PRR16: variants seen among roughly 807,000 people sequenced by gnomAD.
PRR16 encodes the protein protein Largen.
In PRR16, 6 loss-of-function variants were observed where a neutral mutation model predicts 18.2. The observed-to-expected ratio is 0.33, with a 90% CI of 0.18 to 0.65. PRR16 has a LOEUF of 0.65. PRR16 is among the 30% of genes least tolerant of loss of function. The probability of loss-of-function intolerance (pLI) is 0.74; values close to 1 mark genes in which losing one functional copy is unlikely to be tolerated. For synonymous variants in PRR16, 151 were observed against 147.8 expected, an observed-to-expected ratio of 1.02 and a Z score of -0.16; for missense variants, 412 against 376.6, an observed-to-expected ratio of 1.09 and a Z score of -0.78.
At chr5:120,530,313 A>G (rs1156589768) in intron 1 of PRR16, among the ~76,000 whole-genome samples, 1 of 136,644 alleles carries the variant, frequency 7.3e-6, no homozygotes, top group Non-Finnish European at 1.5e-5. Context: ...ATTTATTTAT[A>G]TTTTACTACA....
At chr5:120,732,227 T>C in the PRR16 span, among the ~76,000 whole-genome samples, 2 of 152,160 alleles carry the variant, frequency 1.3e-5, no homozygotes, top group East Asian at 1.9e-4. Context: ...TTATCAGTTG[T>C]CTGAAAGAGG....
At chr5:120,603,013 G>A (rs897769172) in intron 1 of PRR16, among the ~76,000 whole-genome samples, 5 of 151,942 alleles carry the variant, frequency 3.3e-5, no homozygotes, top group Admixed American at 1.3e-4. Flanking sequence ...AGGAATATTG[G>A]CCTGCAGTTT....
At chr5:120,518,963 C>G (rs1019027990) in intron 1 of PRR16, among the ~76,000 whole-genome samples, 1 of 152,076 alleles carries the variant, frequency 6.6e-6, no homozygotes, top group African/African-American at 2.4e-5. Context: ...GTTTAAGATA[C>G]TGTAGTTATT....
At chr5:120,500,206 C>T (rs778513264) in intron 1 of PRR16, among the ~76,000 whole-genome samples, 1 of 152,162 alleles carries the variant, frequency 6.6e-6, no homozygotes, top group Non-Finnish European at 1.5e-5. Flanking sequence ...TCTTGCTAGA[C>T]TGTTTCTTTT....
chr5:120,649,909 G>C (rs1282778703), intron 1 of PRR16, among the ~76,000 whole-genome samples: 1 of 151,778 alleles, frequency 6.6e-6, no homozygotes, highest in Non-Finnish European at 1.5e-5. Context: ...TTCTGTATTT[G>C]TGATATTAAC....
chr5:120,615,516 A>G (rs1215875573), intron 1 of PRR16, among the ~76,000 whole-genome samples: 1 of 151,090 alleles, frequency 6.6e-6, no homozygotes, highest in Non-Finnish European at 1.5e-5. Flanking sequence ...CTGCTTCAGC[A>G]TTATAATTTT....
At chr5:120,702,906 A>G in the PRR16 span, among the ~76,000 whole-genome samples, 1 of 152,162 alleles carries the variant, frequency 6.6e-6, no homozygotes, top group Non-Finnish European at 1.5e-5. Context: ...GAACAGGAGG[A>G]CAGGGGATTG....
chr5:120,509,890 C>T (rs914552998), intron 1 of PRR16, among the ~76,000 whole-genome samples: 3 of 151,990 alleles, frequency 2.0e-5, no homozygotes, highest in Non-Finnish European at 4.4e-5. Context: ...TGAAGGTCTT[C>T]AAGTTTTTTT....
the PRR16 span, among the ~76,000 whole-genome samples, chr5:120,733,920 A>C: frequency 1.3e-5 from 2 of 152,234 alleles, no homozygotes; most frequent in Non-Finnish European, 2.9e-5. Flanking sequence ...AAACATACTT[A>C]AAAGTTACAT....
intron 1 of PRR16, among the ~76,000 whole-genome samples, chr5:120,497,383 G>GTTTTT (rs772458976): frequency 2.3e-4 from 25 of 106,932 alleles, no homozygotes; most frequent in Non-Finnish European, 3.0e-4. Flanking sequence ...TTGATGAACT[G>GTTTTT]ATTTTTTTTT....
chr5:120,517,270 C>A (rs569340137), intron 1 of PRR16, among the ~76,000 whole-genome samples: 1 of 152,240 alleles, frequency 6.6e-6, no homozygotes, highest in East Asian at 1.9e-4. Context: ...ACAATCAATG[C>A]ATGAATTCAA....
At chr5:120,675,112 C>CA (rs1362615845) in intron 1 of PRR16, among the ~76,000 whole-genome samples, 2 of 151,994 alleles carry the variant, frequency 1.3e-5, no homozygotes, top group East Asian at 3.9e-4. Flanking sequence ...TTGCTTATTT[C>CA]AAAAATCTCA....
At chr5:120,780,183 A>C in the PRR16 span, among the ~76,000 whole-genome samples, 1 of 152,162 alleles carries the variant, frequency 6.6e-6, no homozygotes, top group Non-Finnish European at 1.5e-5. Context: ...CAGACTCCAA[A>C]AACATCACAT....
At chr5:120,643,315 C>T (rs77992427) in intron 1 of PRR16, among the ~76,000 whole-genome samples, 114 of 152,112 alleles carry the variant, frequency 7.5e-4, no homozygotes, top group African/African-American at 2.5e-3. Flanking sequence ...AAATAGCATG[C>T]CCAATCTCTA....
At chr5:120,495,917 A>C (rs1750228692) in intron 1 of PRR16, among the ~76,000 whole-genome samples, 2 of 152,000 alleles carry the variant, frequency 1.3e-5, no homozygotes, top group Non-Finnish European at 2.9e-5. Context: ...CACTGTTTAA[A>C]TTAAATTAAA....
intron 1 of PRR16, among the ~76,000 whole-genome samples, chr5:120,644,069 G>T (rs1201396820): frequency 6.6e-6 from 1 of 151,996 alleles, no homozygotes; most frequent in Non-Finnish European, 1.5e-5. Context: ...TCCCTGGATA[G>T]AGCTCAATGA....
chr5:120,773,710 G>T, the PRR16 span, among the ~76,000 whole-genome samples: 1 of 152,024 alleles, frequency 6.6e-6, no homozygotes, highest in African/African-American at 2.4e-5. Context: ...GTTGGAGAGG[G>T]AATGTCCACT....
intron 1 of PRR16, among the ~76,000 whole-genome samples, chr5:120,640,796 CTCTG>C (rs2112856286): frequency 6.6e-6 from 1 of 152,254 alleles, no homozygotes; most frequent in Non-Finnish European, 1.5e-5. Flanking sequence ...TCCCTTGCTT[CTCTG>C]TCTGAGTCTC....
rs1443847859 is a variant in PRR16, at chr5:120,674,400, G to T, written c.160-11554G>T. Among the ~76,000 whole-genome samples the T allele has an allele frequency of 2.0e-5, 3 of 152,078 alleles. No homozygotes were observed. In the East Asian group the frequency reaches 5.8e-4, roughly 29 times the overall value. ...GGATGTGAAGGAAGTAAGTGTCTTT[G>T]TCCTTAATAGCTAAAAATATTTTAA... On this transcript the variant is annotated intron_variant, in intron 1 of 1. Transcript: ENST00000407149.
Sources: gnomAD v4.1 joint callset for allele counts (sites outside exome capture counted in the v4.1 genomes callset) on GRCh38, gnomAD v4.1.1 for gene constraint, MANE v1.5 for transcripts, NCBI Gene and HGNC (gene_info 2026-07-23, HGNC 2026-07-21) for gene names.